ARHGAP32: variants seen among roughly 807,000 people sequenced by gnomAD.
The protein encoded by ARHGAP32 is Rho GTPase activating protein 32.
ARHGAP32 carries 51 observed loss-of-function variants against 186.5 expected under a neutral mutation model. The ratio of observed to expected loss-of-function variants is 0.27; its 90% CI spans 0.22 to 0.35. The LOEUF (loss-of-function observed/expected upper bound fraction) is 0.35. ARHGAP32 is among the 10% of genes least tolerant of loss of function. The probability of loss-of-function intolerance (pLI) is 1.00; values close to 1 mark genes in which losing one functional copy is unlikely to be tolerated. For synonymous variants in ARHGAP32, 950 were observed against 964.3 expected (o/e 0.99, Z 0.27); for missense variants, 2,186 against 2,623.5 (o/e 0.83, Z 3.64).
At chr11:129,235,497 A>G (rs961445645) in intron 1 of ARHGAP32, among the ~76,000 whole-genome samples, 3 of 152,198 alleles carry the variant, frequency 2.0e-5, no homozygotes. Flanking sequence ...CTCAAATACA[A>G]GAACTGGTAA....
chr11:129,042,041 C>T lies in ARHGAP32; in HGVS notation c.964-1032G>A, dbSNP rs569251405. 3.9e-5 allele frequency among the ~76,000 whole-genome samples: 6 copies of T among 152,304 alleles called. No homozygotes were observed. In the South Asian group the frequency reaches 1.2e-3, roughly 32 times the overall value. Reference sequence around the variant, plus strand: ...GAAATTATTTTCACATACTCATTTGCTACATTCTTATTTCAATTTCTAGAT... The same window carrying T: ...GAAATTATTTTCACATACTCATTTGTTACATTCTTATTTCAATTTCTAGAT... On this transcript the variant is annotated intron_variant, in intron 10 of 22. Coordinates refer to ENST00000682385, the MANE Select transcript of ARHGAP32 (RefSeq NM_001378024.1).
At chr11:129,202,029 T>C (rs945593849) in intron 1 of ARHGAP32, among the ~76,000 whole-genome samples, 1 of 152,000 alleles carries the variant, frequency 6.6e-6, no homozygotes, top group Non-Finnish European at 1.5e-5. Context: ...TATATATATA[T>C]GTGTGTGTAT....
In ARHGAP32 at chr11:129,123,007, T is replaced by A. The variant is rs978839821; in HGVS notation, c.444+439A>T. ...GTATGTAGGTTGATGTCAAGTTAGA[T>A]TCAATAATTTGTATGTGAATGAAAA... On this transcript the variant is annotated intron_variant, in intron 5 of 22. Coordinates refer to ENST00000682385, the MANE Select transcript of ARHGAP32 (RefSeq NM_001378024.1). The surrounding 1 kb of genome is among the most constrained non-coding windows in gnomAD (Gnocchi z 4.6). Among the ~76,000 whole-genome samples the A allele has an allele frequency of 6.6e-6, 1 of 152,224 alleles. No homozygotes were observed. Among genetic ancestry groups the A allele is most frequent in the East Asian group, 1.9e-4 (1 of 5,188 alleles).
intron 1 of ARHGAP32, among the ~76,000 whole-genome samples, chr11:129,253,397 CAT>C (rs1304067670): frequency 1.1e-4 from 17 of 152,166 alleles, no homozygotes; most frequent in African/African-American, 3.9e-4. Context: ...ACATGTAGCA[CAT>C]GTTTATTTTA....
At chr11:129,173,562 A>C (rs974581898) in intron 1 of ARHGAP32, among the ~76,000 whole-genome samples, 1 of 152,194 alleles carries the variant, frequency 6.6e-6, no homozygotes, top group African/African-American at 2.4e-5. Flanking sequence ...TCGATGCAAA[A>C]ATCCTCAATA....
At chr11:128,988,678 C>G (rs1379133429) in intron 12 of ARHGAP32, among the ~76,000 whole-genome samples, 2 of 152,102 alleles carry the variant, frequency 1.3e-5, no homozygotes, top group Non-Finnish European at 2.9e-5. Flanking sequence ...ATGCAAAGCC[C>G]AAGGCAATTT....
intron 2 of ARHGAP32, among the ~76,000 whole-genome samples, chr11:129,126,516 T>G (rs1298364695): frequency 6.6e-6 from 1 of 152,226 alleles, no homozygotes; most frequent in Admixed American, 6.5e-5. Context: ...ATTCACTAAT[T>G]CAATAGTTTT....
At chr11:129,138,603 G>A (rs766238681) in intron 2 of ARHGAP32, among the ~76,000 whole-genome samples, 17 of 152,006 alleles carry the variant, frequency 1.1e-4, no homozygotes, top group Non-Finnish European at 2.1e-4. Context: ...ATATTGACTG[G>A]GTAACTGTAA....
chr11:129,235,111 CAA>C (rs1944911178), intron 1 of ARHGAP32, among the ~76,000 whole-genome samples: 1 of 152,146 alleles, frequency 6.6e-6, no homozygotes, highest in Non-Finnish European at 1.5e-5. Flanking sequence ...GGCACAAATA[CAA>C]AAGAGAAGGC....
At chr11:129,048,818 AT>A (rs2135065979) in intron 10 of ARHGAP32, among the ~76,000 whole-genome samples, 1 of 152,290 alleles carries the variant, frequency 6.6e-6, no homozygotes, top group African/African-American at 2.4e-5. Context: ...TTAATTTGTA[AT>A]ACCTTTCAGC....
intron 1 of ARHGAP32, among the ~76,000 whole-genome samples, chr11:129,177,338 A>AG (rs1943940338): frequency 6.6e-6 from 1 of 152,194 alleles, no homozygotes; most frequent in African/African-American, 2.4e-5. Context: ...ATGGATTCAC[A>AG]GCCGAATTCT....
At chr11:129,036,215 T>C (rs1052234635) in intron 11 of ARHGAP32, among the ~76,000 whole-genome samples, 1 of 151,458 alleles carries the variant, frequency 6.6e-6, no homozygotes, top group African/African-American at 2.4e-5. Context: ...CCCGTTTCTA[T>C]GAAAAATACA....
intron 6 of ARHGAP32, among the ~76,000 whole-genome samples, chr11:129,074,082 T>C (rs142562089): frequency 3.4e-4 from 52 of 152,200 alleles, no homozygotes; most frequent in Non-Finnish European, 6.8e-4. Context: ...GTAAGAAATG[T>C]AAAAGAAGTT....
chr11:129,181,499 G>A (rs2135532806), intron 1 of ARHGAP32, among the ~76,000 whole-genome samples: 1 of 152,150 alleles, frequency 6.6e-6, no homozygotes, highest in East Asian at 1.9e-4. Context: ...ATCATAGGGT[G>A]CAATAAATTT....
chr11:129,018,524 T>C (rs1008095474), intron 11 of ARHGAP32, among the ~76,000 whole-genome samples: 1 of 152,208 alleles, frequency 6.6e-6, no homozygotes, highest in African/African-American at 2.4e-5. Context: ...AACTTATCTT[T>C]AGCAAGCATT....
chr11:129,180,074 A>G (rs907020938), intron 1 of ARHGAP32, among the ~76,000 whole-genome samples: 1 of 152,204 alleles, frequency 6.6e-6, no homozygotes, highest in South Asian at 2.1e-4. Flanking sequence ...TACATGGTCA[A>G]TATATTAAAA....
rs573668343 is a variant in ARHGAP32 at position 129,161,723 on chromosome 11, T to C, written c.225+2596A>G. Among the ~76,000 whole-genome samples, 15 of 152,358 alleles carry C rather than the reference T, an allele frequency of 9.8e-5. No individual in the cohort carries two copies. The South Asian group carries it at 3.1e-3, about 32-fold the overall frequency. On this transcript the variant is annotated intron_variant, in intron 2 of 22. Coordinates refer to ENST00000682385, the MANE Select transcript of ARHGAP32 (RefSeq NM_001378024.1). ...GGAGTGTAAATTAGTTCAGCCATTG[T>C]GGAAGACAGTGCGGCGATTCCTCAA...
At chr11:129,101,335 C>T (rs1172166759) in intron 5 of ARHGAP32, among the ~76,000 whole-genome samples, 1 of 152,182 alleles carries the variant, frequency 6.6e-6, no homozygotes, top group Admixed American at 6.5e-5. Context: ...AATGTATCCT[C>T]TCTTCAGTAA....
chr11:129,013,094 G>A (rs1422807840), intron 11 of ARHGAP32, among the ~76,000 whole-genome samples: 1 of 152,182 alleles, frequency 6.6e-6, no homozygotes, highest in Non-Finnish European at 1.5e-5. Context: ...TCCTGTTAGG[G>A]TAAAGAGTAT....
Sources: gnomAD v4.1 joint callset for allele counts (sites outside exome capture counted in the v4.1 genomes callset) on GRCh38, gnomAD v4.1.1 for gene constraint, Gnocchi (gnomAD v3.1) non-coding constraint, MANE v1.5 for transcripts, NCBI Gene and HGNC (gene_info 2026-07-23, HGNC 2026-07-21) for gene names.